The following NCOA1 variants were observed in gnomAD, a reference collection of about 807,000 sequenced individuals.
The protein encoded by NCOA1 is Hin-2 protein.
NCOA1 carries 35 observed loss-of-function variants against 150.9 expected under a neutral mutation model. The observed-to-expected ratio is 0.23, with a 90% CI of 0.18 to 0.31. The LOEUF (loss-of-function observed/expected upper bound fraction) is 0.31, where lower values mean the gene tolerates loss of function less well. NCOA1 is among the 10% of genes least tolerant of loss of function. The pLI, the probability that NCOA1 is intolerant of heterozygous loss-of-function variation, is 1.00. For missense variants in NCOA1, 1,491 were observed against 1,749.3 expected, an observed-to-expected ratio of 0.85 and a Z score of 2.63; for synonymous variants, 590 against 630.0, an observed-to-expected ratio of 0.94 and a Z score of 0.95.
At chr2:24,609,319 T>A (rs1668517971) in intron 3 of NCOA1, among the ~76,000 whole-genome samples, 1 of 152,270 alleles carries the variant, frequency 6.6e-6, no homozygotes, top group Admixed American at 6.5e-5. Context: ...ACTGGTTACA[T>A]TTGTTTTCAA....
intron 5 of NCOA1, among the ~76,000 whole-genome samples, chr2:24,665,373 A>G (rs1671371703): frequency 6.6e-6 from 1 of 152,148 alleles, no homozygotes; most frequent in South Asian, 2.1e-4. Flanking sequence ...AGTTATTTGA[A>G]AATTCAGATT....
At chr2:24,697,395 G>A (rs1052291877) in intron 10 of NCOA1, among the ~76,000 whole-genome samples, 5 of 152,126 alleles carry the variant, frequency 3.3e-5, no homozygotes, top group Admixed American at 6.5e-5. Context: ...GTAGTGTCAG[G>A]TCATTATGGT....
chr2:24,733,858 T>A (rs966941047), intron 17 of NCOA1, among the ~76,000 whole-genome samples: 2 of 151,594 alleles, frequency 1.3e-5, no homozygotes, highest in Non-Finnish European at 2.9e-5. Context: ...AAACAAAAAT[T>A]AATGGCAATT....
chr2:24,730,137 C>T (rs914313664), intron 17 of NCOA1, among the ~76,000 whole-genome samples: 5 of 152,232 alleles, frequency 3.3e-5, no homozygotes, highest in African/African-American at 1.2e-4. Context: ...AGCCACCGCA[C>T]CCTGCCAGCA....
At chr2:24,539,133 T>TCC (rs78273745) in intron 1 of NCOA1, among the ~76,000 whole-genome samples, 7,739 of 148,034 alleles carry the variant, frequency 0.052, 277 homozygotes, top group East Asian at 0.19. Flanking sequence ...GTGAGTTTTT[T>TCC]CCCCCCCATT....
intron 3 of NCOA1, among the ~76,000 whole-genome samples, chr2:24,586,041 G>A (rs1347496023): frequency 6.6e-6 from 1 of 152,010 alleles, no homozygotes; most frequent in African/African-American, 2.4e-5. Flanking sequence ...TTGGGAGGCT[G>A]AGGCGGGTGG....
chr2:24,546,901 TC>T (rs1180784125), intron 1 of NCOA1, among the ~76,000 whole-genome samples: 2 of 152,220 alleles, frequency 1.3e-5, no homozygotes, highest in African/African-American at 4.8e-5. Context: ...GCTTCTGACT[TC>T]CAAGAAGAGG....
At chr2:24,641,440 G>A (rs1289640756) in intron 3 of NCOA1, among the ~76,000 whole-genome samples, 2 of 151,824 alleles carry the variant, frequency 1.3e-5, no homozygotes, top group Non-Finnish European at 2.9e-5. Flanking sequence ...TCATATTTAT[G>A]ATTTCTGATG....
chr2:24,641,354 ATACT>A (rs1410707940), intron 3 of NCOA1, among the ~76,000 whole-genome samples: 2 of 151,684 alleles, frequency 1.3e-5, no homozygotes, highest in African/African-American at 2.4e-5. Context: ...AAGAAAATAC[ATACT>A]TCTTTTAAAG....
Position 24,492,670 on chromosome 2 carries a change from G to T in NCOA1, c.-396+1068G>T, listed in dbSNP as rs964176724. Among the ~76,000 whole-genome samples the T allele has an allele frequency of 7.2e-5, 11 of 152,150 alleles. No homozygotes were observed. In the East Asian group the frequency reaches 2.1e-3, roughly 29 times the overall value. On this transcript the variant is annotated intron_variant, in intron 1 of 22. Coordinates refer to ENST00000348332, the MANE Select transcript of NCOA1 (RefSeq NM_003743.5). ...AACAGGCAGGTGTCCTTGTGCAGAA[G>T]GTGACATTTTTTCTTCGGAGACGGT...
intron 3 of NCOA1, among the ~76,000 whole-genome samples, chr2:24,643,244 G>A (rs553088298): frequency 6.6e-6 from 1 of 152,236 alleles, no homozygotes; most frequent in African/African-American, 2.4e-5. Context: ...TTTAAACCTA[G>A]CCTCTCTGCA....
At chr2:24,569,890 A>T (rs1164165020) in intron 2 of NCOA1, among the ~76,000 whole-genome samples, 1 of 151,370 alleles carries the variant, frequency 6.6e-6, no homozygotes, top group Non-Finnish European at 1.5e-5. Flanking sequence ...AAGAAAAAAA[A>T]AGAATTTGTA....
intron 19 of NCOA1, among the ~76,000 whole-genome samples, chr2:24,745,406 C>T (rs775581651): frequency 6.6e-6 from 1 of 152,112 alleles, no homozygotes; most frequent in Non-Finnish European, 1.5e-5. Context: ...TCGTGATCCA[C>T]CCACCTCGGC....
chr2:24,540,807 TA>T (rs575359929), intron 1 of NCOA1, among the ~76,000 whole-genome samples: 162 of 152,020 alleles, frequency 1.1e-3, no homozygotes, highest in Non-Finnish European at 2.1e-3. Flanking sequence ...ATCCTGAACT[TA>T]GATAGCAGCA....
chr2:24,724,746 A>G (rs1447307303), intron 14 of NCOA1, among the ~76,000 whole-genome samples: 1 of 152,122 alleles, frequency 6.6e-6, no homozygotes, highest in Non-Finnish European at 1.5e-5. Context: ...ATTTTCTTAG[A>G]CTTTTAAATT....
At chr2:24,572,897 C>T (rs1274291652) in intron 2 of NCOA1, among the ~76,000 whole-genome samples, 1 of 152,016 alleles carries the variant, frequency 6.6e-6, no homozygotes, top group Non-Finnish European at 1.5e-5. Context: ...TTTTGGGGGG[C>T]CCGTAGGTTA....
At chr2:24,570,047 T>C (rs938085109) in intron 2 of NCOA1, among the ~76,000 whole-genome samples, 3 of 144,766 alleles carry the variant, frequency 2.1e-5, no homozygotes, top group Non-Finnish European at 4.5e-5. Context: ...TTAAGTGGTA[T>C]ATACTTTTTT....
intron 1 of NCOA1, among the ~76,000 whole-genome samples, chr2:24,514,800 C>T (rs987202354): frequency 5.3e-5 from 8 of 151,746 alleles, no homozygotes; most frequent in Non-Finnish European, 7.4e-5. Context: ...AAAAAGTAAA[C>T]GTATAAATAG....
intron 5 of NCOA1, among the ~76,000 whole-genome samples, chr2:24,659,714 A>G: frequency 6.6e-6 from 1 of 151,562 alleles, no homozygotes. Flanking sequence ...AGTTTTTCAA[A>G]CTCCACACTA....
Sources: gnomAD v4.1 joint callset for allele counts (sites outside exome capture counted in the v4.1 genomes callset) on GRCh38, gnomAD v4.1.1 for gene constraint, MANE v1.5 for transcripts, NCBI Gene and HGNC (gene_info 2026-07-23, HGNC 2026-07-21) for gene names.